MAGI2: variants seen among roughly 807,000 people sequenced by gnomAD.
The protein encoded by MAGI2 is membrane-associated guanylate kinase, WW and PDZ domain-containing protein 2.
Under a neutral mutation model 133.3 loss-of-function variants are expected in MAGI2, and 35 were observed. The observed-to-expected ratio is 0.26, with a 90% CI of 0.20 to 0.35. MAGI2 has a LOEUF of 0.35. Among genes scored for constraint, MAGI2 ranks in the 10% least tolerant of loss-of-function variants. MAGI2 has a pLI of 1.00. For missense variants in MAGI2, 1,636 were observed against 1,863.4 expected (o/e 0.88, Z 2.25); for synonymous variants, 729 against 710.6 (o/e 1.03, Z -0.41).
chr7:78,110,586 C>A (rs142200300), intron 20 of MAGI2, among the ~76,000 whole-genome samples: 404 of 152,264 alleles, frequency 2.7e-3, no homozygotes, highest in African/African-American at 9.0e-3. Flanking sequence ...ATTACGGGAC[C>A]CAGCAGGGGT....
rs539978366 is a variant in MAGI2 at position 78,689,187 on chromosome 7, A to G, written c.419-61948T>C. 1.8e-4 allele frequency among the ~76,000 whole-genome samples: 28 copies of G among 152,158 alleles called. 1 individual carries two copies. The highest frequency in any genetic ancestry group is 1.4e-3 in the South Asian group (7 of 4,832). On this transcript the variant is annotated intron_variant, in intron 2 of 21. Transcript: ENST00000354212. ...AAGTGTGAGAAATTTTAAAATTTAC[A>G]TATTACATTTTAGTAAATGTTTAAA...
At chr7:79,132,259 T>C (rs1011284056) in intron 1 of MAGI2, among the ~76,000 whole-genome samples, 4 of 152,106 alleles carry the variant, frequency 2.6e-5, no homozygotes, top group Non-Finnish European at 4.4e-5. Flanking sequence ...GTAGTATACA[T>C]TGTACCTAAT....
intron 2 of MAGI2, among the ~76,000 whole-genome samples, chr7:78,986,365 C>T (rs1805263909): frequency 6.6e-6 from 1 of 151,938 alleles, no homozygotes; most frequent in African/African-American, 2.4e-5. Flanking sequence ...CAAACAAAAA[C>T]AACACAAAAC....
chr7:78,817,306 G>A (rs190447380), intron 2 of MAGI2, among the ~76,000 whole-genome samples: 187 of 152,310 alleles, frequency 1.2e-3, no homozygotes, highest in African/African-American at 4.4e-3. Context: ...TTATTTATAT[G>A]ACAACAAAGG....
At chr7:78,092,376 G>A (rs1049001608) in intron 20 of MAGI2, among the ~76,000 whole-genome samples, 5 of 152,128 alleles carry the variant, frequency 3.3e-5, no homozygotes, top group Admixed American at 6.5e-5. Context: ...TTTGATGCAC[G>A]AAATAAACAT....
intron 2 of MAGI2, among the ~76,000 whole-genome samples, chr7:78,682,453 TATGA>T (rs1234170471): frequency 2.6e-5 from 4 of 152,162 alleles, no homozygotes; most frequent in African/African-American, 9.7e-5. Flanking sequence ...AACTCCCACT[TATGA>T]GTGAGAACAT....
chr7:78,481,681 G>A (rs1792392292), intron 6 of MAGI2, among the ~76,000 whole-genome samples: 1 of 151,198 alleles, frequency 6.6e-6, no homozygotes, highest in Non-Finnish European at 1.5e-5. Context: ...TTCAACAAAT[G>A]GTGCTGGAAC....
At chr7:79,074,564 G>T (rs930988164) in intron 1 of MAGI2, among the ~76,000 whole-genome samples, 1 of 152,162 alleles carries the variant, frequency 6.6e-6, no homozygotes, top group Non-Finnish European at 1.5e-5. Context: ...AGCAAAAATT[G>T]ATGTGTAAAG....
At chr7:78,742,751 C>T (rs55827541) in intron 2 of MAGI2, among the ~76,000 whole-genome samples, 6,671 of 152,260 alleles carry the variant, frequency 0.044, 216 homozygotes, top group Non-Finnish European at 0.067. Context: ...TTGTAGCTTG[C>T]TTGTGACCAA....
Position 79,193,827 on chromosome 7 carries a change from T to G in MAGI2, c.302-186621A>C, listed in dbSNP as rs17152044. Reference sequence around the variant, plus strand: ...TTTATTACAACAGGCAGAGTCATTCTTGGGCGTTGCAAACCGGTGTCTGTT... The same window carrying G: ...TTTATTACAACAGGCAGAGTCATTCGTGGGCGTTGCAAACCGGTGTCTGTT... On this transcript the variant is annotated intron_variant, in intron 1 of 21. Coordinates refer to ENST00000354212, the MANE Select transcript of MAGI2 (RefSeq NM_012301.4). Among the ~76,000 whole-genome samples the G allele has an allele frequency of 4.6e-4, 70 of 152,052 alleles. 1 individual carries two copies. Among genetic ancestry groups the G allele is most frequent in the Admixed American group, 3.3e-3 (50 of 15,272 alleles).
At chr7:78,380,393 C>T (rs1794816454) in intron 6 of MAGI2, among the ~76,000 whole-genome samples, 1 of 152,122 alleles carries the variant, frequency 6.6e-6, no homozygotes, top group East Asian at 1.9e-4. Context: ...TATATATATA[C>T]AATGGAGTAC....
chr7:79,150,509 C>T (rs1260381284), intron 1 of MAGI2, among the ~76,000 whole-genome samples: 1 of 152,116 alleles, frequency 6.6e-6, no homozygotes, highest in Non-Finnish European at 1.5e-5. Flanking sequence ...GAAATTTATA[C>T]TTGTCAAATG....
chr7:78,863,232 T>G (rs1347633078), intron 2 of MAGI2, among the ~76,000 whole-genome samples: 1 of 152,220 alleles, frequency 6.6e-6, no homozygotes, highest in Non-Finnish European at 1.5e-5. Context: ...ATTCCCCAGA[T>G]TCTGCAAACC....
At chr7:79,318,801 T>G (rs187181265) in intron 1 of MAGI2, among the ~76,000 whole-genome samples, 28 of 152,298 alleles carry the variant, frequency 1.8e-4, no homozygotes, top group African/African-American at 6.5e-4. Flanking sequence ...CTTTTTCCAG[T>G]AAGTTTTCCT....
chr7:78,988,296 T>C (rs900409611), intron 2 of MAGI2, among the ~76,000 whole-genome samples: 1 of 152,132 alleles, frequency 6.6e-6, no homozygotes, highest in African/African-American at 2.4e-5. Context: ...CATTGAGGTC[T>C]ATCATAATTG....
At chr7:78,630,271 A>G (rs1808822558) in intron 2 of MAGI2, among the ~76,000 whole-genome samples, 1 of 151,874 alleles carries the variant, frequency 6.6e-6, no homozygotes, top group African/African-American at 2.4e-5. Context: ...TTCTAACCCT[A>G]CTGCACATAC....
intron 2 of MAGI2, among the ~76,000 whole-genome samples, chr7:78,800,221 T>A (rs1415185903): frequency 1.3e-5 from 2 of 152,138 alleles, no homozygotes; most frequent in Non-Finnish European, 2.9e-5. Context: ...CTAACTTTTA[T>A]AACAAACAAC....
intron 2 of MAGI2, among the ~76,000 whole-genome samples, chr7:78,792,231 C>T (rs1787219980): frequency 6.6e-6 from 1 of 152,170 alleles, no homozygotes; most frequent in South Asian, 2.1e-4. Flanking sequence ...CATAGTGTTA[C>T]AGCACGGAGG....
At chr7:78,759,860 G>T (rs1266831786) in intron 2 of MAGI2, among the ~76,000 whole-genome samples, 5 of 152,134 alleles carry the variant, frequency 3.3e-5, no homozygotes, top group Non-Finnish European at 5.9e-5. Flanking sequence ...TGGGGATGGT[G>T]GCTCACACCT....
Sources: allele counts gnomAD v4.1 joint callset (sites outside exome capture counted in the v4.1 genomes callset), GRCh38; gene constraint gnomAD v4.1.1; transcripts MANE v1.5; gene names NCBI Gene and HGNC (gene_info 2026-07-23, HGNC 2026-07-21).